EBF1: variants seen among roughly 807,000 people sequenced by gnomAD.
EBF1 encodes transcription factor COE1.
Under a neutral mutation model 68.4 loss-of-function variants are expected in EBF1, and 10 were observed. That is an observed-to-expected ratio of 0.15 (90% CI 0.09 to 0.25). EBF1 has a LOEUF of 0.25. Among genes scored for constraint, EBF1 ranks in the 10% least tolerant of loss-of-function variants. EBF1 has a pLI of 1.00. For missense variants in EBF1, 509 were observed against 794.4 expected, an observed-to-expected ratio of 0.64 and a Z score of 4.32; for synonymous variants, 298 against 299.8, an observed-to-expected ratio of 0.99 and a Z score of 0.06.
At chr5:158,876,630 C>A (rs1797858239) in intron 6 of EBF1, among the ~76,000 whole-genome samples, 1 of 152,152 alleles carries the variant, frequency 6.6e-6, no homozygotes, top group Non-Finnish European at 1.5e-5. Flanking sequence ...CCCTATTATT[C>A]AGTTTAAGAA....
Position 158,895,238 on chromosome 5 carries a change from A to G in EBF1, c.555-55128T>C, listed in dbSNP as rs181316950. On this transcript the variant is annotated intron_variant, in intron 6 of 15. Coordinates refer to ENST00000313708, the MANE Select transcript of EBF1 (RefSeq NM_024007.5). ...TCATTATGCACAGAGTACTCAGTAC[A>G]GCACTTTGAAAAAGAATAAAAACGC... 2.0e-5 allele frequency among the ~76,000 whole-genome samples: 3 copies of G among 152,314 alleles called. No individual in the cohort carries two copies. The East Asian group carries it at 5.8e-4, about 29-fold the overall frequency.
rs116339101 is a variant in EBF1, at chr5:158,764,889, C to T, written c.1036+12524G>A. The stretch of plus-strand genomic sequence containing the variant: ...ATGGCTTAAATGACCATAAGTGAAC[C>T]GCTTCACTTCTTTCTACACCTCATT... On this transcript the variant is annotated intron_variant, in intron 10 of 15. Coordinates refer to ENST00000313708, the MANE Select transcript of EBF1 (RefSeq NM_024007.5). Among the ~76,000 whole-genome samples the T allele has an allele frequency of 2.5e-3, 378 of 152,100 alleles. 2 individuals carry two copies. The highest frequency in any genetic ancestry group is 8.2e-3 in the African/African-American group (339 of 41,488).
chr5:158,750,539 C>G (rs973638751), intron 10 of EBF1, among the ~76,000 whole-genome samples: 3 of 152,006 alleles, frequency 2.0e-5, no homozygotes, highest in African/African-American at 4.8e-5. Context: ...AGATTAAATA[C>G]TTATCATTAA....
chr5:159,077,353 C>T (rs1490296835), intron 5 of EBF1, among the ~76,000 whole-genome samples: 1 of 152,118 alleles, frequency 6.6e-6, no homozygotes, highest in East Asian at 1.9e-4. Context: ...GCAGGAGAAT[C>T]GGTTGAACCC....
In EBF1 at chr5:159,099,357, G is replaced by C. The variant is rs764681028; in HGVS notation, c.122C>G (p.Thr41Arg). The C allele has an allele frequency of 2.5e-6, 4 of 1,588,526 alleles. No homozygotes were observed. In the South Asian group the frequency reaches 4.5e-5, roughly 18 times the overall value. The change falls in exon 1 of 16, where the codon ACG (threonine) becomes AGG (arginine). Residue 41 changes from threonine (T) to arginine (R), a missense_variant. Physicochemically the swap from Thr to Arg is moderately conservative, Grantham distance 71. This residue lies in a region of EBF1 where 74 missense variants were observed against 79.4 expected (regional missense o/e 0.93). Transcript: ENST00000313708. Reference protein sequence around the residue: ...MQGAGVLDANTAAQSGVGLAR... With the variant: ...MQGAGVLDANRAAQSGVGLAR... ...GCGCAGTACCCACCTCTGCGCCGCCGTGTTGGCGTCCAGCACCCCGGCGCC... is the reference window on the plus strand; with the variant it reads ...GCGCAGTACCCACCTCTGCGCCGCCCTGTTGGCGTCCAGCACCCCGGCGCC...
intron 10 of EBF1, among the ~76,000 whole-genome samples, chr5:158,753,003 T>C (rs1169061388): frequency 6.6e-6 from 1 of 152,104 alleles, no homozygotes; most frequent in African/African-American, 2.4e-5. Flanking sequence ...TAAAGTGAAT[T>C]ATGAACTAGA....
At chr5:158,973,634 A>G (rs755124014) in intron 6 of EBF1, among the ~76,000 whole-genome samples, 4 of 152,232 alleles carry the variant, frequency 2.6e-5, no homozygotes, top group Non-Finnish European at 5.9e-5. Context: ...CTCAGTAACT[A>G]TAAGTTCCAT....
intron 6 of EBF1, among the ~76,000 whole-genome samples, chr5:158,875,319 A>G (rs1797635244): frequency 1.3e-5 from 2 of 152,212 alleles, no homozygotes; most frequent in Non-Finnish European, 2.9e-5. Context: ...AGATAATTCC[A>G]AGTGATTTTT....
chr5:158,940,010 G>T (rs1471798259), intron 6 of EBF1, among the ~76,000 whole-genome samples: 1 of 152,164 alleles, frequency 6.6e-6, no homozygotes, highest in Non-Finnish European at 1.5e-5. Context: ...TCACCCAGGG[G>T]CTTTCCTGCT....
intron 6 of EBF1, among the ~76,000 whole-genome samples, chr5:158,941,635 TA>T (rs1452339526): frequency 2.6e-5 from 4 of 152,228 alleles, no homozygotes; most frequent in African/African-American, 9.6e-5. Context: ...GGTTGCTATA[TA>T]TCTTGGAACA....
At chr5:158,843,903 C>T (rs967036742) in intron 6 of EBF1, among the ~76,000 whole-genome samples, 4 of 152,240 alleles carry the variant, frequency 2.6e-5, no homozygotes, top group African/African-American at 7.2e-5. Flanking sequence ...GACATGTGCA[C>T]GTCTGCTGGC....
At chr5:158,939,378 C>T (rs544786871) in intron 6 of EBF1, among the ~76,000 whole-genome samples, 9 of 152,244 alleles carry the variant, frequency 5.9e-5, no homozygotes, top group Non-Finnish European at 1.2e-4. Context: ...TTCCAGCTGC[C>T]TTAGAGGGAG....
At chr5:159,044,684 C>G (rs1771974770) in intron 6 of EBF1, among the ~76,000 whole-genome samples, 2 of 152,152 alleles carry the variant, frequency 1.3e-5, no homozygotes, top group South Asian at 4.1e-4. Flanking sequence ...AGATTTTTCT[C>G]TCTGAGTCAA....
chr5:158,732,612 A>G (rs572135938), intron 10 of EBF1, among the ~76,000 whole-genome samples: 1 of 152,176 alleles, frequency 6.6e-6, no homozygotes, highest in African/African-American at 2.4e-5. Flanking sequence ...AGCTGCATAA[A>G]GTGGCCAGAA....
chr5:158,900,641 A>C (rs1246713044), intron 6 of EBF1, among the ~76,000 whole-genome samples: 1 of 152,228 alleles, frequency 6.6e-6, no homozygotes, highest in Non-Finnish European at 1.5e-5. Context: ...GAAGCAGAGA[A>C]CTAAGACAGC....
At chr5:158,935,053 A>G (rs1354670948) in intron 6 of EBF1, among the ~76,000 whole-genome samples, 6 of 152,246 alleles carry the variant, frequency 3.9e-5, no homozygotes, top group African/African-American at 1.4e-4. Flanking sequence ...TACATTTTTT[A>G]ATCTATTAGA....
intron 6 of EBF1, among the ~76,000 whole-genome samples, chr5:158,943,623 C>A (rs1405437063): frequency 6.6e-6 from 1 of 152,148 alleles, no homozygotes; most frequent in African/African-American, 2.4e-5. Flanking sequence ...GTTCTAGAAT[C>A]AGGGAGGCAA....
intron 6 of EBF1, among the ~76,000 whole-genome samples, chr5:158,892,685 A>G (rs1448487964): frequency 3.3e-5 from 5 of 152,216 alleles, no homozygotes; most frequent in Non-Finnish European, 7.3e-5. Context: ...TTTTGAACTT[A>G]GACATGGGTA....
chr5:158,756,870 G>A (rs1770225529), intron 10 of EBF1, among the ~76,000 whole-genome samples: 3 of 151,460 alleles, frequency 2.0e-5, no homozygotes, highest in Admixed American at 1.3e-4. Flanking sequence ...TTAAAATGTG[G>A]ACACGTGGGC....
Sources: allele counts gnomAD v4.1 joint callset (sites outside exome capture counted in the v4.1 genomes callset), GRCh38; gene constraint gnomAD v4.1.1; regional missense constraint gnomAD v4.1.1; transcripts MANE v1.5; gene names NCBI Gene and HGNC (gene_info 2026-07-23, HGNC 2026-07-21).